The following MALRD1 variants were observed in gnomAD, a reference collection of about 807,000 sequenced individuals.
MALRD1 encodes MAM and LDL receptor class A domain containing 1.
In MALRD1, 247 loss-of-function variants were observed where a neutral mutation model predicts 242.1. The ratio of observed to expected loss-of-function variants is 1.02; its 90% CI spans 0.92 to 1.13. The LOEUF is 1.13. Ranked by LOEUF, MALRD1 falls within the 50% of genes most tolerant of loss-of-function variation. The pLI, the probability that MALRD1 is intolerant of heterozygous loss-of-function variation, is 0.00. For missense variants in MALRD1, 2,989 were observed against 2,533.1 expected (o/e 1.18, Z -3.86); for synonymous variants, 995 against 866.6 (o/e 1.15, Z -2.60).
chr10:19,139,586 T>G (rs932008112), intron 10 of MALRD1, among the ~76,000 whole-genome samples: 14 of 152,212 alleles, frequency 9.2e-5, no homozygotes, highest in African/African-American at 3.4e-4. Flanking sequence ...CCAGTGTGCT[T>G]TTCCCCAAAG....
intron 2 of MALRD1, among the ~76,000 whole-genome samples, chr10:19,068,434 T>A (rs1441821481): frequency 6.6e-6 from 1 of 152,076 alleles, no homozygotes; most frequent in Non-Finnish European, 1.5e-5. Context: ...ACTTAAAATC[T>A]CTGGAGTCAG....
chr10:19,287,797 C>T (rs556374054), intron 21 of MALRD1, among the ~76,000 whole-genome samples: 42 of 152,158 alleles, frequency 2.8e-4, no homozygotes, highest in African/African-American at 5.1e-4. Context: ...AACTCATTCC[C>T]GTCATTAAGT....
intron 14 of MALRD1, among the ~76,000 whole-genome samples, chr10:19,179,837 A>G (rs2131554212): frequency 6.6e-6 from 1 of 152,330 alleles, no homozygotes; most frequent in East Asian, 1.9e-4. Context: ...ATAAAACTAT[A>G]GATCCTGCCT....
chr10:19,087,783 T>A (rs1189446123), intron 2 of MALRD1, 57 bp from the exon 3 acceptor site: 2 of 817,818 alleles, frequency 2.4e-6, no homozygotes, highest in Non-Finnish European at 3.3e-6. Context: ...TATCAAATAG[T>A]AGGTCTTATT....
chr10:19,467,956 G>A (rs1227228271), intron 29 of MALRD1, among the ~76,000 whole-genome samples: 1 of 151,996 alleles, frequency 6.6e-6, no homozygotes, highest in Non-Finnish European at 1.5e-5. Context: ...ACCATGCCCA[G>A]CTAATTTTTG....
intron 29 of MALRD1, among the ~76,000 whole-genome samples, chr10:19,464,129 A>G (rs986618941): frequency 6.6e-6 from 1 of 152,076 alleles, no homozygotes; most frequent in Admixed American, 6.5e-5. Flanking sequence ...TGTCAGAGGT[A>G]TATATTGTGA....
intron 7 of MALRD1, among the ~76,000 whole-genome samples, 163 bp downstream of exon 7, chr10:19,124,833 T>C (rs1837196167): frequency 6.6e-6 from 1 of 151,682 alleles, no homozygotes; most frequent in African/African-American, 2.4e-5. Context: ...CAATTATGTT[T>C]CCAACAGTGT....
intron 36 of MALRD1, among the ~76,000 whole-genome samples, chr10:19,651,795 G>C (rs1003487387): frequency 4.6e-5 from 7 of 152,208 alleles, no homozygotes; most frequent in Non-Finnish European, 1.0e-4. Flanking sequence ...GATTCATTCT[G>C]TCTGGGCATG....
intron 31 of MALRD1, among the ~76,000 whole-genome samples, chr10:19,530,365 A>AAATGTAT (rs1834310108): frequency 9.5e-6 from 1 of 105,090 alleles, no homozygotes; most frequent in Non-Finnish European, 1.7e-5. Flanking sequence ...ATATTTATAT[A>AAATGTAT]AATATTTATA....
chr10:19,602,154 C>CTTTTTT (rs35031620), intron 34 of MALRD1, among the ~76,000 whole-genome samples: 1 of 104,930 alleles, frequency 9.5e-6, no homozygotes, highest in Non-Finnish European at 1.9e-5. Context: ...TGCCAATTTT[C>CTTTTTT]TTTTTTTTTT....
intron 21 of MALRD1, among the ~76,000 whole-genome samples, chr10:19,291,924 A>G (rs1399299609): frequency 6.6e-6 from 1 of 151,750 alleles, no homozygotes; most frequent in Non-Finnish European, 1.5e-5. Context: ...ATCTCTATTA[A>G]AAATGCAAAA....
intron 21 of MALRD1, among the ~76,000 whole-genome samples, chr10:19,287,019 C>G (rs962287815): frequency 2.0e-5 from 3 of 151,966 alleles, no homozygotes; most frequent in Non-Finnish European, 4.4e-5. Context: ...GTTCAATATA[C>G]GCAAATCAAT....
intron 18 of MALRD1, among the ~76,000 whole-genome samples, chr10:19,217,596 G>A (rs746865635): frequency 6.1e-5 from 9 of 147,192 alleles, no homozygotes; most frequent in African/African-American, 2.3e-4. Context: ...GCAGTGGTGC[G>A]ATCTCAGCTC....
chr10:19,592,767 G>A (rs3069579), intron 33 of MALRD1, among the ~76,000 whole-genome samples: 47,258 of 104,306 alleles, frequency 0.45, 8,553 homozygotes, highest in Non-Finnish European at 0.54. Context: ...ACACACGCAC[G>A]CACACACACA....
At chr10:19,662,422 A>G (rs1841482583) in intron 36 of MALRD1, among the ~76,000 whole-genome samples, 1 of 152,138 alleles carries the variant, frequency 6.6e-6, no homozygotes, top group Non-Finnish European at 1.5e-5. Flanking sequence ...AAGATAACTC[A>G]TTCTTTTATT....
At chr10:19,614,843 ATAAG>A (rs1839068149) in intron 35 of MALRD1, among the ~76,000 whole-genome samples, 1 of 152,100 alleles carries the variant, frequency 6.6e-6, no homozygotes, top group Admixed American at 6.6e-5. Flanking sequence ...CTGCATGCTC[ATAAG>A]TGAGTGACTT....
chr10:19,184,722 A>C lies in MALRD1; in HGVS notation c.1951+9394A>C, dbSNP rs11814675. Among the ~76,000 whole-genome samples, 1,308 of 151,910 alleles carry C rather than the reference A, an allele frequency of 8.6e-3. 23 individuals carry two copies. Among genetic ancestry groups the C allele is most frequent in the African/African-American group, 0.03 (1,248 of 41,408 alleles). ...ACCACCGTGCCCAGCTAATTTTTGT[A>C]TTTTTAGTGGAGATGGGGTTTTGCC... On this transcript the variant is annotated intron_variant, in intron 14 of 39. Coordinates refer to ENST00000454679, the MANE Select transcript of MALRD1 (RefSeq NM_001142308.3).
intron 32 of MALRD1, among the ~76,000 whole-genome samples, chr10:19,536,364 A>C (rs1834674933): frequency 6.8e-6 from 1 of 147,822 alleles, no homozygotes; most frequent in African/African-American, 2.5e-5. Flanking sequence ...TTTTTTTTTA[A>C]TTATACTTTA....
intron 18 of MALRD1, among the ~76,000 whole-genome samples, chr10:19,244,231 T>G (rs1838936851): frequency 6.6e-6 from 1 of 152,168 alleles, no homozygotes; most frequent in Non-Finnish European, 1.5e-5. Flanking sequence ...TCCTTAGGCT[T>G]CTTATCTTTC....
Sources: allele counts gnomAD v4.1 joint callset (sites outside exome capture counted in the v4.1 genomes callset), GRCh38; gene constraint gnomAD v4.1.1; transcripts MANE v1.5; gene names NCBI Gene and HGNC (gene_info 2026-07-23, HGNC 2026-07-21).